SCN2A: variants seen among roughly 807,000 people sequenced by gnomAD.
SCN2A encodes sodium voltage-gated channel alpha subunit 2, also known as sodium channel protein type 2 subunit alpha.
Under a neutral mutation model 188.7 loss-of-function variants are expected in SCN2A, and 20 were observed. The observed-to-expected ratio is 0.11, with a 90% CI of 0.07 to 0.15. The LOEUF (loss-of-function observed/expected upper bound fraction) is 0.15, where lower values mean the gene tolerates loss of function less well. Among genes scored for constraint, SCN2A ranks in the 10% least tolerant of loss-of-function variants. The pLI is 1.00. For missense variants in SCN2A, 1,278 were observed against 2,445.0 expected (o/e 0.52, Z 10.07); for synonymous variants, 804 against 833.1 (o/e 0.97, Z 0.60).
intron 1 of SCN2A, among the ~76,000 whole-genome samples, chr2:165,249,121 T>C (rs560361336): frequency 2.6e-5 from 4 of 152,286 alleles, no homozygotes; most frequent in East Asian, 3.9e-4. Context: ...GTTCATCTTC[T>C]AGATTGTGAG....
rs1702115704 is a variant in SCN2A at position 165,391,370 on chromosome 2, A to C, written c.*1546A>C. Reference sequence around the variant, plus strand: ...GGTTAGAGTTTTCTAAGAAAATATAAATACTGTAAAAAGTTCATTTTATTT... The same window carrying C: ...GGTTAGAGTTTTCTAAGAAAATATACATACTGTAAAAAGTTCATTTTATTT... On this transcript the variant is annotated 3_prime_UTR_variant, in exon 27 of 27. Coordinates refer to ENST00000375437, the MANE Select transcript of SCN2A (RefSeq NM_001040142.2). 1 of 152,574 alleles carries C rather than the reference A, an allele frequency of 6.6e-6. No homozygotes were observed. The highest frequency in any genetic ancestry group is 1.5e-5 in the Non-Finnish European group (1 of 68,002). 9.5% of individuals were successfully genotyped at this position (152,574 alleles called of 1,614,324 possible).
At chr2:165,247,503 A>G (rs761754831) in intron 1 of SCN2A, among the ~76,000 whole-genome samples, 1 of 152,132 alleles carries the variant, frequency 6.6e-6, no homozygotes, top group Non-Finnish European at 1.5e-5. Flanking sequence ...CCATCCAGCA[A>G]TATTGGAGAC....
At chr2:165,274,362 T>TA (rs1695237339) in intron 1 of SCN2A, 2 of 123,888 alleles carry the variant, frequency 1.6e-5, no homozygotes, top group East Asian at 2.3e-4. Flanking sequence ...GGAGAAAAAA[T>TA]TAAAAAAAAA....
In SCN2A at chr2:165,323,448, C is replaced by G; in HGVS notation, c.1964C>G (p.Ser655Cys). 1 of 1,613,904 alleles carries G rather than the reference C, an allele frequency of 6.2e-7. No individual in the cohort carries two copies. The highest frequency in any genetic ancestry group is 8.5e-7 in the Non-Finnish European group (1 of 1,179,862). The part of the protein sequence containing the change: ...HSAVDCNGVV[S>C]LVGGPSTLTS... ...GCTGTGGACTGCAATGGTGTGGTCTCCCTGGTCGGGGGCCCTTCTACCCTC... is the reference window on the plus strand; with the variant it reads ...GCTGTGGACTGCAATGGTGTGGTCTGCCTGGTCGGGGGCCCTTCTACCCTC... Residue 655 changes from serine (S) to cysteine (C), a missense_variant, in exon 12 of 27, where the codon TCC (serine) becomes TGC (cysteine). By Grantham distance (112) the Ser-to-Cys change is moderately radical. Coordinates refer to ENST00000375437, the MANE Select transcript of SCN2A (RefSeq NM_001040142.2).
At chr2:165,279,762 G>A (rs1285695855) in intron 1 of SCN2A, among the ~76,000 whole-genome samples, 2 of 152,098 alleles carry the variant, frequency 1.3e-5, no homozygotes, top group East Asian at 3.9e-4. Context: ...GAGGGAGATA[G>A]ATGACATTAA....
chr2:165,322,926 T>C (rs977627239), intron 11 of SCN2A, among the ~76,000 whole-genome samples: 3 of 152,038 alleles, frequency 2.0e-5, no homozygotes, highest in Middle Eastern at 3.4e-3. Context: ...GAGCAGAAGA[T>C]GGAAAATGGA....
At position 165,354,308 on chromosome 2, in the gene SCN2A, A is replaced by G; in HGVS notation, c.3036A>G (p.Lys1012=). The G allele has an allele frequency of 3.7e-6, 6 of 1,614,160 alleles. No homozygotes were observed. Among genetic ancestry groups the G allele is most frequent in the Non-Finnish European group, 5.1e-6 (6 of 1,180,022 alleles). ...AGATTGCTGTGGGAAGGATGCAGAA[A>G]GGAATCGATTTTGTTAAAAGAAAAA... ...NLQIAVGRMQ[K]GIDFVKRKIR... is the part of the protein sequence containing the mutation. Residue 1012 remains lysine, a synonymous_variant, in exon 17 of 27, where the codon AAA becomes AAG. Coordinates refer to ENST00000375437, the MANE Select transcript of SCN2A (RefSeq NM_001040142.2).
chr2:165,324,555 A>G (rs547050041), intron 12 of SCN2A, among the ~76,000 whole-genome samples: 1 of 152,328 alleles, frequency 6.6e-6, no homozygotes, highest in South Asian at 2.1e-4. Context: ...GAAAAGTAGA[A>G]CTTTATAGTG....
Position 165,389,008 on chromosome 2 carries a change from C to T in SCN2A, c.5202C>T (p.Asp1734=). 1 of 1,614,098 alleles carries T rather than the reference C, an allele frequency of 6.2e-7. No homozygotes were observed. Among genetic ancestry groups the T allele is most frequent in the Non-Finnish European group, 8.5e-7 (1 of 1,180,004 alleles). The change falls in exon 27 of 27, where the codon GAC becomes GAT. Residue 1734 remains aspartate (D), a synonymous_variant. Transcript: ENST00000375437. The surrounding 1 kb of genome is among the most constrained non-coding windows in gnomAD (Gnocchi z 4.2). ...GTGGACCTCCAGACTGTGACCCTGA[C>T]AAAGATCACCCTGGAAGCTCAGTTA... ...LNSGPPDCDP[D]KDHPGSSVKG... is the part of the protein sequence containing the mutation.
chr2:165,246,796 A>G (rs2106059577), intron 1 of SCN2A, among the ~76,000 whole-genome samples: 1 of 152,154 alleles, frequency 6.6e-6, no homozygotes, highest in African/African-American at 2.4e-5. Context: ...ATGCCCAGCA[A>G]TCATGCCACA....
At chr2:165,244,636 T>G (rs1693766499) in intron 1 of SCN2A, among the ~76,000 whole-genome samples, 1 of 152,210 alleles carries the variant, frequency 6.6e-6, no homozygotes, top group Non-Finnish European at 1.5e-5. Flanking sequence ...GGTAAAAAAC[T>G]ATAATTTCAG....
intron 1 of SCN2A, among the ~76,000 whole-genome samples, chr2:165,289,528 A>T (rs889831417): frequency 9.9e-5 from 15 of 152,074 alleles, no homozygotes; most frequent in Admixed American, 6.6e-4. Context: ...CTTCTGTCTG[A>T]AATGTAGTAC....
chr2:165,357,854 C>T (rs1328555074), intron 17 of SCN2A, among the ~76,000 whole-genome samples: 1 of 152,030 alleles, frequency 6.6e-6, no homozygotes, highest in African/African-American at 2.4e-5. Context: ...CCACTTTTAC[C>T]CAGGTTACCC....
chr2:165,384,377 A>T (rs982679529), intron 25 of SCN2A, among the ~76,000 whole-genome samples: 1 of 152,088 alleles, frequency 6.6e-6, no homozygotes, highest in African/African-American at 2.4e-5. Context: ...GGTGAATAAG[A>T]TCTTCAGAAT....
intron 1 of SCN2A, among the ~76,000 whole-genome samples, chr2:165,291,979 G>A (rs1696235408): frequency 6.6e-6 from 1 of 152,026 alleles, no homozygotes; most frequent in Non-Finnish European, 1.5e-5. Context: ...ACTGAATTGA[G>A]GTCTGGAAGG....
At chr2:165,387,443 A>G (rs1028229540) in intron 26 of SCN2A, among the ~76,000 whole-genome samples, 9 of 152,210 alleles carry the variant, frequency 5.9e-5, no homozygotes, top group African/African-American at 2.2e-4. Context: ...GGAATAGTGT[A>G]TATGTGCAGT....
rs190024203 is a variant in SCN2A at position 165,353,541 on chromosome 2, T to C, written c.2920-651T>C. 4.9e-3 allele frequency among the ~76,000 whole-genome samples: 746 copies of C among 152,216 alleles called. 9 individuals carry two copies. Among genetic ancestry groups the C allele is most frequent in the African/African-American group, 0.016 (684 of 41,522 alleles). On this transcript the variant is annotated intron_variant, in intron 16 of 26. Coordinates refer to ENST00000375437, the MANE Select transcript of SCN2A (RefSeq NM_001040142.2). ...TGGGTAATTTATAAAGAAAAGAGAT[T>C]TAATTAGCTCATGGTTCTGCAGTGA...
intron 1 of SCN2A, among the ~76,000 whole-genome samples, chr2:165,262,638 A>T (rs539867620): frequency 3.9e-5 from 6 of 152,072 alleles, no homozygotes; most frequent in African/African-American, 1.4e-4. Flanking sequence ...ATATATATTA[A>T]TCAACAAGTG....
intron 1 of SCN2A, chr2:165,270,243 C>G (rs1422781554): frequency 8.1e-6 from 1 of 123,812 alleles, no homozygotes; most frequent in Non-Finnish European, 1.7e-5. Context: ...AAGTATGGCT[C>G]TCTCTCATAC....
Sources: allele counts gnomAD v4.1 joint callset (sites outside exome capture counted in the v4.1 genomes callset), GRCh38; gene constraint gnomAD v4.1.1; non-coding constraint Gnocchi (gnomAD v3.1); transcripts MANE v1.5; gene names NCBI Gene and HGNC (gene_info 2026-07-23, HGNC 2026-07-21).